ANKRD36C: variants seen among roughly 807,000 people sequenced by gnomAD.
ANKRD36C encodes ankyrin repeat domain 36C, also known as ankyrin repeat domain-containing protein 36C.
A neutral mutation model predicts 276.4 loss-of-function variants in ANKRD36C; 61 were observed. That is an observed-to-expected ratio of 0.22 (90% CI 0.18 to 0.27). ANKRD36C has a LOEUF of 0.27. Among genes scored for constraint, ANKRD36C ranks in the 10% least tolerant of loss-of-function variants. The pLI is 1.00. For synonymous variants in ANKRD36C, 483 were observed against 680.1 expected, an observed-to-expected ratio of 0.71 and a Z score of 4.51; for missense variants, 1,447 against 2,032.3, an observed-to-expected ratio of 0.71 and a Z score of 5.54.
chr2:95,949,704 T>C (rs1260708618), intron 16 of ANKRD36C, among the ~76,000 whole-genome samples: 1 of 152,290 alleles, frequency 6.6e-6, no homozygotes, highest in Non-Finnish European at 1.5e-5. Flanking sequence ...TGATTTACTG[T>C]ATCCAAATAA....
chr2:95,933,670 T>C (rs1447305009), intron 24 of ANKRD36C, among the ~76,000 whole-genome samples: 1 of 152,104 alleles, frequency 6.6e-6, no homozygotes, highest in Non-Finnish European at 1.5e-5. Context: ...TGAAGGAGAT[T>C]TGGGACTGAG....
In ANKRD36C at chr2:95,885,928, A is replaced by T; in HGVS notation, c.3163+120T>A. 2.0e-6 allele frequency: 3 copies of T among 1,533,810 alleles called. No individual in the cohort carries two copies. The South Asian group carries it at 3.6e-5, about 18-fold the overall frequency. ...ACCCGAGGACTTATTACAAATGAAG[A>T]ATCTCAAGCATGCTGAATCCAAACA... On this transcript the variant is annotated intron_variant, in intron 52 of 66. Transcript: ENST00000456556.
At chr2:95,972,776 T>C (rs1204836286) in intron 6 of ANKRD36C, among the ~76,000 whole-genome samples, 1 of 152,160 alleles carries the variant, frequency 6.6e-6, no homozygotes, top group Non-Finnish European at 1.5e-5. Context: ...CATAAAGGAA[T>C]AGAAATAATT....
intron 17 of ANKRD36C, among the ~76,000 whole-genome samples, chr2:95,948,294 CA>C (rs1462863417): frequency 1.0e-5 from 1 of 99,898 alleles, no homozygotes; most frequent in Non-Finnish European, 2.1e-5. Flanking sequence ...ATGTATTTTC[CA>C]GCAATTTTTT....
At chr2:95,987,012 T>C (rs1679041585) in intron 2 of ANKRD36C, 80 bp downstream of exon 2, 4 of 1,545,406 alleles carry the variant, frequency 2.6e-6, no homozygotes, top group African/African-American at 2.8e-5. Flanking sequence ...ATGGTGGTAT[T>C]CCAATGAGAT....
chr2:95,945,831 T>C (rs1307400803), intron 17 of ANKRD36C, among the ~76,000 whole-genome samples: 31 of 152,098 alleles, frequency 2.0e-4, no homozygotes, highest in African/African-American at 7.0e-4. Context: ...AATGAAAGAA[T>C]AGACACTAAA....
intron 24 of ANKRD36C, among the ~76,000 whole-genome samples, chr2:95,933,147 C>T (rs1195504316): frequency 1.3e-5 from 2 of 152,242 alleles, no homozygotes; most frequent in African/African-American, 2.4e-5. Flanking sequence ...TTCTATATCG[C>T]TGTTTTGGTA....
chr2:95,886,601 T>C (rs1258090933), intron 50 of ANKRD36C, among the ~76,000 whole-genome samples: 1 of 151,726 alleles, frequency 6.6e-6, no homozygotes, highest in African/African-American at 2.4e-5. Flanking sequence ...AGGTGGTACA[T>C]GCACCCGCAT....
chr2:95,986,973 A>G lies in ANKRD36C; in HGVS notation c.313-49T>C, dbSNP rs544816220. On this transcript the variant is annotated intron_variant, in intron 2 of 66. Transcript: ENST00000456556. ...ATGCAAATATTGAAAAATCAAAATA[A>G]ACACTCCGTAGGATTTCCTACTAGT... is the stretch of plus-strand genomic sequence containing the variant. The G allele has an allele frequency of 1.4e-5, 22 of 1,612,846 alleles. No individual in the cohort carries two copies. The African/African-American group carries it at 2.8e-4, about 21-fold the overall frequency.
At chr2:95,938,490 A>G (rs943646266) in intron 22 of ANKRD36C, among the ~76,000 whole-genome samples, 4 of 152,122 alleles carry the variant, frequency 2.6e-5, no homozygotes, top group African/African-American at 9.7e-5. Context: ...TTTTCTCTAG[A>G]TGAAGAAGAG....
intron 48 of ANKRD36C, among the ~76,000 whole-genome samples, chr2:95,888,523 T>C (rs1020688658): frequency 6.6e-6 from 1 of 151,722 alleles, no homozygotes; most frequent in African/African-American, 2.4e-5. Context: ...TACACCATTA[T>C]AGTACAAACA....
intron 49 of ANKRD36C, 37 bp from the exon 70 acceptor site, chr2:95,888,034 A>C: frequency 1.2e-6 from 2 of 1,606,322 alleles, no homozygotes; most frequent in African/African-American, 1.3e-5. Context: ...GAATACATAA[A>C]CTATGTTTCA....
At chr2:95,973,099 A>C (rs1678730121) in intron 6 of ANKRD36C, among the ~76,000 whole-genome samples, 1 of 151,954 alleles carries the variant, frequency 6.6e-6, no homozygotes, top group Non-Finnish European at 1.5e-5. Context: ...CCTGGGAAAC[A>C]GAGTGAGACC....
chr2:95,975,348 G>A (rs1174073921), intron 6 of ANKRD36C, among the ~76,000 whole-genome samples: 1 of 152,120 alleles, frequency 6.6e-6, no homozygotes, highest in Non-Finnish European at 1.5e-5. Flanking sequence ...GAATAAAGCT[G>A]GAGGCATCAC....
At position 95,954,292 on chromosome 2, in the gene ANKRD36C, G is replaced by A. The variant is rs528757723; in HGVS notation, c.1137-287C>T. Among the ~76,000 whole-genome samples the A allele has an allele frequency of 3.0e-3, 452 of 152,146 alleles. 1 individual carries two copies. Among genetic ancestry groups the A allele is most frequent in the Middle Eastern group, 6.8e-3 (2 of 294 alleles). On this transcript the variant is annotated intron_variant, in intron 13 of 66. Transcript: ENST00000456556. The stretch of plus-strand genomic sequence containing the variant: ...CACAAATAGTGACAGGCATTATAAT[G>A]GCGTGGCCAGACAATAATTTGTCCT...
At chr2:95,954,180 G>A (rs1046159945) in intron 13 of ANKRD36C, among the ~76,000 whole-genome samples, 175 bp from the exon 14 acceptor site, 16 of 152,410 alleles carry the variant, frequency 1.0e-4, no homozygotes, top group Admixed American at 3.3e-4. Context: ...TATGGCTTCC[G>A]TTTTAGAAAA....
chr2:95,961,713 T>G lies in ANKRD36C; in HGVS notation c.901+639A>C, dbSNP rs1245990906. 3.3e-5 allele frequency among the ~76,000 whole-genome samples: 5 copies of G among 152,204 alleles called. No individual in the cohort carries two copies. The East Asian group carries it at 9.7e-4, about 29-fold the overall frequency. On this transcript the variant is annotated intron_variant, in intron 8 of 66. Transcript: ENST00000456556. ...TACAAAGAGGGGTAATGTGTCACTG[T>G]GGGTTATCACAATTCTAGCAATCTA... is the stretch of plus-strand genomic sequence containing the variant.
chr2:95,945,896 G>A (rs1206022079), intron 17 of ANKRD36C, among the ~76,000 whole-genome samples: 2 of 152,104 alleles, frequency 1.3e-5, no homozygotes, highest in African/African-American at 4.8e-5. Flanking sequence ...TTTAAACAAA[G>A]GGGAAGGAGG....
At chr2:95,916,790 A>G (rs1384114758) in intron 36 of ANKRD36C, among the ~76,000 whole-genome samples, 1 of 151,640 alleles carries the variant, frequency 6.6e-6, no homozygotes, top group Non-Finnish European at 1.5e-5. Context: ...TCTTGGATCC[A>G]CTAGTTTAGC....
Sources: gnomAD v4.1 joint callset for allele counts (sites outside exome capture counted in the v4.1 genomes callset) on GRCh38, gnomAD v4.1.1 for gene constraint, MANE v1.5 for transcripts, NCBI Gene and HGNC (gene_info 2026-07-23, HGNC 2026-07-21) for gene names.